Variants in SEMA5A observed in about 807,000 individuals in gnomAD.
SEMA5A encodes semaphorin-5A.
A neutral mutation model predicts 135.5 loss-of-function variants in SEMA5A; 55 were observed. That is an observed-to-expected ratio of 0.41 (90% CI 0.33 to 0.51). SEMA5A has a LOEUF of 0.51. SEMA5A is among the 20% of genes least tolerant of loss of function. SEMA5A has a pLI of 0.37. For synonymous variants in SEMA5A, 580 were observed against 546.5 expected, an observed-to-expected ratio of 1.06 and a Z score of -0.85; for missense variants, 1,290 against 1,419.9, an observed-to-expected ratio of 0.91 and a Z score of 1.47.
intron 3 of SEMA5A, among the ~76,000 whole-genome samples, chr5:9,365,644 T>C (rs184098682): frequency 5.0e-4 from 76 of 152,286 alleles, no homozygotes; most frequent in African/African-American, 1.7e-3. Flanking sequence ...GTGGTTTTTT[T>C]CCATTCTCCC....
chr5:9,104,806 C>A (rs561318186), intron 16 of SEMA5A, among the ~76,000 whole-genome samples: 12 of 152,170 alleles, frequency 7.9e-5, no homozygotes, highest in Non-Finnish European at 1.5e-4. Context: ...CACCAAGGAC[C>A]AGAGGACCCC....
chr5:9,194,635 T>C (rs985632970), intron 10 of SEMA5A, among the ~76,000 whole-genome samples: 1 of 152,242 alleles, frequency 6.6e-6, no homozygotes, highest in Non-Finnish European at 1.5e-5. Flanking sequence ...ACACTTGCTG[T>C]GTACTTGTAC....
chr5:9,203,914 A>C (rs1806075), intron 8 of SEMA5A, among the ~76,000 whole-genome samples: 3,051 of 152,256 alleles, frequency 0.02, 109 homozygotes, highest in East Asian at 0.088. Flanking sequence ...AGATGTTCAC[A>C]AAAACAGCAG....
chr5:9,130,906 C>T (rs1741373994), intron 13 of SEMA5A, among the ~76,000 whole-genome samples: 1 of 152,092 alleles, frequency 6.6e-6, no homozygotes, highest in African/African-American at 2.4e-5. Flanking sequence ...AGTTTTGGAA[C>T]ATTTGATAAA....
chr5:9,472,682 T>C (rs1306587935), intron 1 of SEMA5A, among the ~76,000 whole-genome samples: 1 of 152,174 alleles, frequency 6.6e-6, no homozygotes, highest in Non-Finnish European at 1.5e-5. Flanking sequence ...AGATCTACTT[T>C]TCTTCATTGT....
intron 11 of SEMA5A, among the ~76,000 whole-genome samples, chr5:9,175,753 T>G (rs1452515964): frequency 1.3e-5 from 2 of 152,222 alleles, no homozygotes; most frequent in Non-Finnish European, 2.9e-5. Context: ...CCAGAACAAT[T>G]TCTCCCTTTA....
intron 2 of SEMA5A, among the ~76,000 whole-genome samples, chr5:9,421,642 C>T (rs1192428006): frequency 6.6e-6 from 1 of 152,168 alleles, no homozygotes; most frequent in African/African-American, 2.4e-5. Flanking sequence ...TTCCATCAGT[C>T]ATGGGTGAAA....
At chr5:9,044,982 T>C (rs1331041283) in intron 21 of SEMA5A, among the ~76,000 whole-genome samples, 1 of 151,960 alleles carries the variant, frequency 6.6e-6, no homozygotes, top group African/African-American at 2.4e-5. Flanking sequence ...ATGGGGTTTC[T>C]CCATGTTGGT....
Position 9,545,003 on chromosome 5 carries a change from C to T in SEMA5A, c.-175+581G>A, listed in dbSNP as rs1353455108. Among the ~76,000 whole-genome samples, 1 of 152,202 alleles carries T rather than the reference C, an allele frequency of 6.6e-6. No individual in the cohort carries two copies. Among genetic ancestry groups the T allele is most frequent in the Non-Finnish European group, 1.5e-5 (1 of 68,040 alleles). The stretch of plus-strand genomic sequence containing the variant: ...GCTCGCCTAGCTGCAGCGCACCTGG[C>T]TGGTGGTTCCCCAGGCCTCTGCATC... On this transcript the variant is annotated intron_variant, in intron 1 of 22. Coordinates refer to ENST00000382496, the MANE Select transcript of SEMA5A (RefSeq NM_003966.3). This position sits in a 1 kb window ranked among gnomAD's most constrained non-coding sequence, Gnocchi z 4.5.
At chr5:9,408,002 C>CCATCACTACCATCAA (rs1554032184) in intron 2 of SEMA5A, among the ~76,000 whole-genome samples, 1 of 151,136 alleles carries the variant, frequency 6.6e-6, no homozygotes, top group African/African-American at 2.5e-5. Flanking sequence ...GCCATCATCA[C>CCATCACTACCATCAA]CATCACTACC....
chr5:9,435,533 T>C (rs1272880782), intron 2 of SEMA5A, among the ~76,000 whole-genome samples: 1 of 152,134 alleles, frequency 6.6e-6, no homozygotes, highest in Admixed American at 6.5e-5. Flanking sequence ...ATAAAATTTG[T>C]TTATAATTAA....
intron 3 of SEMA5A, among the ~76,000 whole-genome samples, chr5:9,342,001 C>T (rs976472708): frequency 6.7e-6 from 1 of 150,206 alleles, no homozygotes; most frequent in Non-Finnish European, 1.5e-5. Flanking sequence ...ATGAACAAGT[C>T]AGTATTAATA....
chr5:9,200,033 T>A (rs1196195403), intron 9 of SEMA5A, among the ~76,000 whole-genome samples: 1 of 152,168 alleles, frequency 6.6e-6, no homozygotes, highest in Non-Finnish European at 1.5e-5. Flanking sequence ...TCATAAGACC[T>A]CTGATCCTCC....
intron 5 of SEMA5A, among the ~76,000 whole-genome samples, chr5:9,250,013 A>C (rs923633209): frequency 6.6e-6 from 1 of 152,182 alleles, no homozygotes; most frequent in African/African-American, 2.4e-5. Context: ...TCATGAGTTG[A>C]AGAAAAGCCA....
chr5:9,054,108 A>G lies in SEMA5A; in HGVS notation c.2668T>C (p.Cys890Arg), dbSNP rs1736751683. ...TTACCTGGGCAGGGCTGCGTGTTGC[A>G]GAGTGCCTCTTCTGTGTGCAGCCCC... ...CLGLHTEEAL[C>R]NTQPCPESWS... is the part of the protein sequence containing the mutation. The change falls in exon 19 of 23, where the codon TGC becomes CGC. Residue 890 changes from cysteine (C) to arginine (R), a missense_variant. Transcript: ENST00000382496. 1 of 1,612,112 alleles carries G rather than the reference A, an allele frequency of 6.2e-7. No individual in the cohort carries two copies. Among genetic ancestry groups the G allele is most frequent in the Non-Finnish European group, 8.5e-7 (1 of 1,179,308 alleles).
intron 11 of SEMA5A, among the ~76,000 whole-genome samples, chr5:9,183,968 A>C (rs987717595): frequency 6.6e-6 from 1 of 152,166 alleles, no homozygotes; most frequent in African/African-American, 2.4e-5. Flanking sequence ...TCTACTTGAA[A>C]TCTGGTATTG....
intron 9 of SEMA5A, among the ~76,000 whole-genome samples, chr5:9,197,774 GTGTGTGTGTGTTTT>G (rs879692483): frequency 0.01 from 1,291 of 128,402 alleles, 29 homozygotes; most frequent in African/African-American, 0.032. Flanking sequence ...GTGTGTGTGT[GTGTGTGTGTGTTTT>G]AACCCAGATA....
At chr5:9,085,396 G>A (rs111917581) in intron 16 of SEMA5A, among the ~76,000 whole-genome samples, 18 of 152,236 alleles carry the variant, frequency 1.2e-4, no homozygotes, top group East Asian at 1.9e-4. Flanking sequence ...GGCTGGGCCC[G>A]GGGTCCCTGT....
intron 18 of SEMA5A, among the ~76,000 whole-genome samples, chr5:9,055,721 G>T (rs1027214688): frequency 6.6e-6 from 1 of 152,036 alleles, no homozygotes; most frequent in Admixed American, 6.6e-5. Context: ...GAAATTTTGT[G>T]ATTCAATAGT....
Sources: allele counts gnomAD v4.1 joint callset (sites outside exome capture counted in the v4.1 genomes callset), GRCh38; gene constraint gnomAD v4.1.1; non-coding constraint Gnocchi (gnomAD v3.1); transcripts MANE v1.5; gene names NCBI Gene and HGNC (gene_info 2026-07-23, HGNC 2026-07-21).